NIBAN1: variants seen among roughly 807,000 people sequenced by gnomAD.
NIBAN1 encodes niban apoptosis regulator 1.
In NIBAN1, 81 loss-of-function variants were observed where a neutral mutation model predicts 75.1. The ratio of observed to expected loss-of-function variants is 1.08; its 90% CI spans 0.90 to 1.30. NIBAN1 has a LOEUF of 1.30. Among genes scored for constraint, NIBAN1 ranks in the 50% most tolerant of loss-of-function variants. The pLI, the probability that NIBAN1 is intolerant of heterozygous loss-of-function variation, is 0.00. For synonymous variants in NIBAN1, 436 were observed against 424.8 expected (o/e 1.03, Z -0.32); for missense variants, 1,133 against 1,128.1 (o/e 1.00, Z -0.06).
At chr1:184,829,688 G>C (rs146344183) in intron 6 of NIBAN1, among the ~76,000 whole-genome samples, 1 of 151,720 alleles carries the variant, frequency 6.6e-6, no homozygotes, top group African/African-American at 2.4e-5. Flanking sequence ...GGCTGGTCTC[G>C]AACTCCTGGT....
At position 184,794,911 on chromosome 1, in the gene NIBAN1, C is replaced by A; in HGVS notation, c.*66G>T. The A allele has an allele frequency of 6.3e-7, 1 of 1,596,772 alleles. No homozygotes were observed. The highest frequency in any genetic ancestry group is 1.7e-4 in the Middle Eastern group (1 of 6,054). On this transcript the variant is annotated 3_prime_UTR_variant, in exon 14 of 14. Coordinates refer to ENST00000367511, the MANE Select transcript of NIBAN1 (RefSeq NM_052966.4). ...TTTTTTGGTAACAGCTTGCATGCAA[C>A]CCCTAAGTGTACCCCTATAACCCTT... is the stretch of plus-strand genomic sequence containing the variant.
intron 10 of NIBAN1, among the ~76,000 whole-genome samples, chr1:184,807,495 G>A (rs1571476953): frequency 6.6e-6 from 1 of 152,232 alleles, no homozygotes; most frequent in East Asian, 1.9e-4. Flanking sequence ...CTATCAAAAA[G>A]TAGCCATATA....
intron 5 of NIBAN1, among the ~76,000 whole-genome samples, chr1:184,869,255 G>A (rs1300232116): frequency 1.3e-5 from 2 of 152,172 alleles, no homozygotes; most frequent in Non-Finnish European, 2.9e-5. Flanking sequence ...TATCTTACTA[G>A]TGGAGATCAT....
chr1:184,882,859 T>C (rs1656412438), intron 5 of NIBAN1, among the ~76,000 whole-genome samples: 1 of 152,150 alleles, frequency 6.6e-6, no homozygotes, highest in Admixed American at 6.5e-5. Flanking sequence ...AGCTAAAGGG[T>C]GCAGTCAGTG....
chr1:184,802,960 T>C (rs1654085523), intron 12 of NIBAN1, among the ~76,000 whole-genome samples: 1 of 152,204 alleles, frequency 6.6e-6, no homozygotes, highest in African/African-American at 2.4e-5. Flanking sequence ...AGGATATAAA[T>C]AATACCTCCT....
chr1:184,831,131 G>T (rs1322431027), intron 6 of NIBAN1, among the ~76,000 whole-genome samples: 8 of 152,122 alleles, frequency 5.3e-5, no homozygotes, highest in African/African-American at 1.9e-4. Flanking sequence ...TCACAAAGCA[G>T]TTTCCTTAGA....
intron 5 of NIBAN1, among the ~76,000 whole-genome samples, chr1:184,877,862 T>C (rs889512563): frequency 6.6e-6 from 1 of 152,166 alleles, no homozygotes; most frequent in Admixed American, 6.5e-5. Context: ...TATCAAAAAC[T>C]GTCCAGTGAT....
intron 9 of NIBAN1, among the ~76,000 whole-genome samples, chr1:184,813,878 C>T (rs1310863244): frequency 6.6e-6 from 1 of 152,098 alleles, no homozygotes; most frequent in Non-Finnish European, 1.5e-5. Flanking sequence ...GTCCTAGGCT[C>T]CACACCTAGT....
chr1:184,842,115 C>T (rs1655303036), intron 5 of NIBAN1, among the ~76,000 whole-genome samples: 1 of 152,188 alleles, frequency 6.6e-6, no homozygotes, highest in Non-Finnish European at 1.5e-5. Context: ...TAAAGTTCTT[C>T]TAAATTTGAA....
At chr1:184,913,154 T>TGATATA (rs1553227228) in intron 1 of NIBAN1, among the ~76,000 whole-genome samples, 9 of 146,648 alleles carry the variant, frequency 6.1e-5, no homozygotes, top group South Asian at 4.3e-4. Context: ...TATATATATA[T>TGATATA]TATATATATA....
intron 5 of NIBAN1, among the ~76,000 whole-genome samples, chr1:184,845,433 G>T (rs1193850147): frequency 6.6e-6 from 1 of 152,116 alleles, no homozygotes; most frequent in Non-Finnish European, 1.5e-5. Flanking sequence ...ATGACATTAT[G>T]AAAAAGTAGT....
intron 1 of NIBAN1, among the ~76,000 whole-genome samples, chr1:184,911,090 C>CACACACAT (rs528646659): frequency 4.0e-5 from 6 of 150,568 alleles, no homozygotes; most frequent in African/African-American, 1.2e-4. Flanking sequence ...CACACACACA[C>CACACACAT]ATATATATAT....
chr1:184,949,388 G>C (rs914780004), intron 1 of NIBAN1, among the ~76,000 whole-genome samples: 6 of 152,114 alleles, frequency 3.9e-5, no homozygotes, highest in African/African-American at 4.8e-5. Context: ...AATGAAAGTG[G>C]AATATTGTTC....
rs754318700 is a variant in NIBAN1, at chr1:184,831,971, A to G, written c.602-9T>C. 4 of 1,602,454 alleles carry G rather than the reference A, an allele frequency of 2.5e-6. No individual in the cohort carries two copies. The Admixed American group carries it at 6.7e-5, about 27-fold the overall frequency. On this transcript the variant is annotated splice_polypyrimidine_tract_variant and intron_variant, in intron 5 of 13. Transcript: ENST00000367511. ...CATCTGCTTCATGTAATCTAAAGAA[A>G]AGAAGAAAGGGCATTCAGCAAGATA... is the stretch of plus-strand genomic sequence containing the variant.
chr1:184,795,001 G>C lies in NIBAN1; in HGVS notation c.2763C>G (p.Phe921Leu). ...VKEGEGGQESFPELPSEE is the reference protein window; with the variant it reads ...VKEGEGGQESLPELPSEE The stretch of plus-strand genomic sequence containing the variant: ...TTCACTCCTCTGAGGGCAGCTCTGG[G>C]AAACTCTCCTGACCACCTTCTCCCT... The change falls in exon 14 of 14, where the codon TTC becomes TTG. Residue 921 changes from phenylalanine (F) to leucine (L), a missense_variant. Coordinates refer to ENST00000367511, the MANE Select transcript of NIBAN1 (RefSeq NM_052966.4). 1.2e-6 allele frequency: 2 copies of C among 1,611,664 alleles called. No individual in the cohort carries two copies. Among genetic ancestry groups the C allele is most frequent in the Non-Finnish European group, 8.5e-7 (1 of 1,180,016 alleles).
At chr1:184,958,942 T>G (rs572502341) in intron 1 of NIBAN1, among the ~76,000 whole-genome samples, 1 of 152,348 alleles carries the variant, frequency 6.6e-6, no homozygotes, top group African/African-American at 2.4e-5. Flanking sequence ...TTAGGCAATT[T>G]TTCCTGTATA....
At chr1:184,824,618 C>G (rs143541634) in intron 6 of NIBAN1, among the ~76,000 whole-genome samples, 1 of 152,194 alleles carries the variant, frequency 6.6e-6, no homozygotes, top group South Asian at 2.1e-4. Flanking sequence ...GCTGACGATG[C>G]TGGAGATGCC....
intron 5 of NIBAN1, 101 bp downstream of exon 5, chr1:184,884,532 G>T: frequency 6.7e-7 from 1 of 1,485,018 alleles, no homozygotes; most frequent in Non-Finnish European, 9.1e-7. Context: ...GCTCATCTGT[G>T]GCTCTTTCTA....
intron 5 of NIBAN1, among the ~76,000 whole-genome samples, chr1:184,832,264 C>T (rs1571502163): frequency 6.6e-6 from 1 of 152,176 alleles, no homozygotes; most frequent in East Asian, 1.9e-4. Context: ...CCCACAGGCA[C>T]CCAGCGCCTT....
Sources: gnomAD v4.1 joint callset for allele counts (sites outside exome capture counted in the v4.1 genomes callset) on GRCh38, gnomAD v4.1.1 for gene constraint, MANE v1.5 for transcripts, NCBI Gene and HGNC (gene_info 2026-07-23, HGNC 2026-07-21) for gene names.